Variants in HSD17B3 observed in about 807,000 individuals in gnomAD.
HSD17B3 encodes 17-beta-hydroxysteroid dehydrogenase type 3.
A neutral mutation model predicts 41.1 loss-of-function variants in HSD17B3; 29 were observed. The observed-to-expected ratio is 0.71, with a 90% CI of 0.53 to 0.96. HSD17B3 has a LOEUF of 0.96. HSD17B3 is among the 40% of genes least tolerant of loss of function. The pLI is 0.00. For missense variants in HSD17B3, 323 were observed against 374.6 expected (o/e 0.86, Z 1.14); for synonymous variants, 126 against 145.6 (o/e 0.87, Z 0.97).
chr9:96,244,392 C>A lies in HSD17B3; in HGVS notation c.609G>T (p.Ala203=), dbSNP rs560518006. ...PLYSMYSASK[A]FVCAFSKALQ... ...GGGCCTTGGAAAATGCGCACACAAA[C>A]GCCTGGAGCAAGAAGGAGAGACACC... The change falls in exon 9 of 11, where the codon GCG becomes GCT. Residue 203 remains alanine (A), a splice_region_variant and synonymous_variant. Transcript: ENST00000375263. 3.1e-6 allele frequency: 5 copies of A among 1,614,108 alleles called. No individual in the cohort carries two copies. The highest frequency in any genetic ancestry group is 1.3e-5 in the African/African-American group (1 of 75,008).
chr9:96,282,846 T>C (rs1020798414), intron 2 of HSD17B3, among the ~76,000 whole-genome samples: 1 of 152,116 alleles, frequency 6.6e-6, no homozygotes, highest in African/African-American at 2.4e-5. Context: ...AGGTTAAAAG[T>C]TTAAGGAAAT....
chr9:96,290,778 A>G (rs1390209542), intron 2 of HSD17B3, among the ~76,000 whole-genome samples: 5 of 151,884 alleles, frequency 3.3e-5, no homozygotes, highest in Admixed American at 2.0e-4. Flanking sequence ...AGTTTGCAGT[A>G]AGCCGAGATC....
At chr9:96,271,652 A>G (rs1220504305) in intron 2 of HSD17B3, among the ~76,000 whole-genome samples, 1 of 152,220 alleles carries the variant, frequency 6.6e-6, no homozygotes, top group Non-Finnish European at 1.5e-5. Flanking sequence ...AACCCACACG[A>G]TAGATGGAAC....
intron 2 of HSD17B3, among the ~76,000 whole-genome samples, chr9:96,284,881 C>G (rs965101285): frequency 6.6e-6 from 1 of 151,564 alleles, no homozygotes; most frequent in Non-Finnish European, 1.5e-5. Context: ...CTCTGTCGAC[C>G]AGGCTGGAGT....
intron 2 of HSD17B3, among the ~76,000 whole-genome samples, chr9:96,284,310 A>T (rs1826825674): frequency 6.6e-6 from 1 of 152,010 alleles, no homozygotes; most frequent in South Asian, 2.1e-4. Flanking sequence ...AGAGTCAAGA[A>T]AACTTTTCTT....
At chr9:96,259,957 G>A (rs1825803450) in intron 2 of HSD17B3, among the ~76,000 whole-genome samples, 1 of 151,988 alleles carries the variant, frequency 6.6e-6, no homozygotes, top group East Asian at 1.9e-4. Flanking sequence ...TCTAATATTT[G>A]CATATTTTTG....
intron 2 of HSD17B3, among the ~76,000 whole-genome samples, chr9:96,296,798 A>G (rs1292240047): frequency 6.6e-6 from 1 of 152,088 alleles, no homozygotes; most frequent in African/African-American, 2.4e-5. Flanking sequence ...TCCCAGCACT[A>G]TGGGAGGCCA....
intron 2 of HSD17B3, among the ~76,000 whole-genome samples, chr9:96,269,138 G>T (rs1460047523): frequency 6.6e-6 from 1 of 152,178 alleles, no homozygotes; most frequent in African/African-American, 2.4e-5. Context: ...TTGCTCCTAG[G>T]CTATAAACCT....
chr9:96,246,467 G>T, intron 7 of HSD17B3, 89 bp downstream of exon 7: 1 of 1,120,938 alleles, frequency 8.9e-7, no homozygotes, highest in Non-Finnish European at 1.4e-6. Flanking sequence ...AGCACAGCCA[G>T]ATGGACTCTG....
intron 2 of HSD17B3, among the ~76,000 whole-genome samples, chr9:96,269,414 T>C (rs1286849917): frequency 6.6e-6 from 1 of 152,154 alleles, no homozygotes; most frequent in African/African-American, 2.4e-5. Context: ...GCAGAAGTGT[T>C]TCTATCAGCA....
intron 2 of HSD17B3, among the ~76,000 whole-genome samples, chr9:96,263,368 G>C (rs1284989646): frequency 1.3e-5 from 2 of 152,010 alleles, no homozygotes; most frequent in Non-Finnish European, 2.9e-5. Context: ...TTGGGTAATT[G>C]AGCAACAAAT....
chr9:96,237,693 T>C (rs1322645193), intron 10 of HSD17B3, among the ~76,000 whole-genome samples: 3 of 152,190 alleles, frequency 2.0e-5, no homozygotes, highest in African/African-American at 7.2e-5. Context: ...AAACTCGAAA[T>C]TGGCTTTAAT....
intron 2 of HSD17B3, among the ~76,000 whole-genome samples, chr9:96,260,294 G>A (rs748055802): frequency 1.1e-4 from 17 of 152,186 alleles, no homozygotes; most frequent in Admixed American, 2.6e-4. Context: ...AAACATGTAC[G>A]GGATCAACTT....
chr9:96,254,734 G>A (rs1189996101), intron 3 of HSD17B3, 134 bp downstream of exon 3: 1 of 758,072 alleles, frequency 1.3e-6, no homozygotes, highest in Non-Finnish European at 2.3e-6. Flanking sequence ...CTTTGTAACC[G>A]GGCTCCCCAG....
At chr9:96,244,098 A>C (rs552997866) in intron 9 of HSD17B3, among the ~76,000 whole-genome samples, 1 of 152,170 alleles carries the variant, frequency 6.6e-6, no homozygotes, top group Admixed American at 6.5e-5. Context: ...CTCCTCCAGC[A>C]CCCAGGGCAC....
In HSD17B3 at chr9:96,293,766, T is replaced by A. The variant is rs1289211690; in HGVS notation, c.201+4650A>T. On this transcript the variant is annotated intron_variant, in intron 2 of 10. Transcript: ENST00000375263. ...AAAAAAGCCGTATATGTGAAAGGAATCACAGTTTAAATATCCAATAAGAAC... is the reference window on the plus strand; with the variant it reads ...AAAAAAGCCGTATATGTGAAAGGAAACACAGTTTAAATATCCAATAAGAAC... 2.0e-5 allele frequency among the ~76,000 whole-genome samples: 3 copies of A among 152,072 alleles called. No homozygotes were observed. In the East Asian group the frequency reaches 5.8e-4, roughly 29 times the overall value.
In HSD17B3 at chr9:96,245,432, A is replaced by G. The variant is rs1331450174; in HGVS notation, c.525-6T>C. On this transcript the variant is annotated splice_region_variant and splice_polypyrimidine_tract_variant and intron_variant, in intron 7 of 10. Coordinates refer to ENST00000375263, the MANE Select transcript of HSD17B3 (RefSeq NM_000197.2). ...TCAGGATGAGACCTTTCTGCCTGAA[A>G]GGCAAAGAAGCAAAGTTCCCATGGC... 2 of 1,612,578 alleles carry G rather than the reference A, an allele frequency of 1.2e-6. No homozygotes were observed. Among genetic ancestry groups the G allele is most frequent in the Non-Finnish European group, 1.7e-6 (2 of 1,178,562 alleles).
chr9:96,247,699 T>A (rs1836725704), intron 6 of HSD17B3, among the ~76,000 whole-genome samples: 1 of 152,206 alleles, frequency 6.6e-6, no homozygotes, highest in Admixed American at 6.5e-5. Context: ...GCACCCACAT[T>A]GCCTCGAAGC....
chr9:96,236,378 A>G lies in HSD17B3; in HGVS notation c.823-808T>C, dbSNP rs144467916. ...CTAAAAAGACAAAAATTAGCCAGAC[A>G]TGGTGGCGCATGCCTGTAGTCTCAG... On this transcript the variant is annotated intron_variant, in intron 10 of 10. Transcript: ENST00000375263. Among the ~76,000 whole-genome samples the G allele has an allele frequency of 2.2e-3, 334 of 151,902 alleles. 13 individuals are homozygous for G. In the East Asian group the frequency reaches 0.059, roughly 27 times the overall value.
Sources: gnomAD v4.1 joint callset for allele counts (sites outside exome capture counted in the v4.1 genomes callset) on GRCh38, gnomAD v4.1.1 for gene constraint, MANE v1.5 for transcripts, NCBI Gene and HGNC (gene_info 2026-07-23, HGNC 2026-07-21) for gene names.